The following LPIN1 variants were observed in gnomAD, a reference collection of about 807,000 sequenced individuals.
LPIN1 encodes phosphatidate phosphatase LPIN1.
In LPIN1, 71 loss-of-function variants were observed where a neutral mutation model predicts 107.5. The observed-to-expected ratio is 0.66, with a 90% CI of 0.55 to 0.80. LPIN1 has a LOEUF of 0.80. Ranked by LOEUF, LPIN1 falls within the 30% of genes least tolerant of loss-of-function variation. The probability of loss-of-function intolerance (pLI) is 0.00; values close to 1 mark genes in which losing one functional copy is unlikely to be tolerated. For missense variants in LPIN1, 1,043 were observed against 1,160.6 expected, an observed-to-expected ratio of 0.90 and a Z score of 1.47; for synonymous variants, 445 against 452.6, an observed-to-expected ratio of 0.98 and a Z score of 0.21.
At chr2:11,738,120 C>A (rs1311310632) in intron 1 of LPIN1, among the ~76,000 whole-genome samples, 3 of 151,896 alleles carry the variant, frequency 2.0e-5, no homozygotes, top group Admixed American at 2.0e-4. Flanking sequence ...TCATTCTCAG[C>A]AAACTAACAC....
rs541171524 is a variant in LPIN1, at chr2:11,825,598, T to C, written c.*807T>C. ...AGATTAAAATGACAGTAAATATTACTAAGGCAGTATTTTGAATGAGTTTGA... is the reference window on the plus strand; with the variant it reads ...AGATTAAAATGACAGTAAATATTACCAAGGCAGTATTTTGAATGAGTTTGA... On this transcript the variant is annotated 3_prime_UTR_variant, in exon 21 of 21. Transcript: ENST00000674199. This position sits in a 1 kb window ranked among gnomAD's most constrained non-coding sequence, Gnocchi z 4.1. The C allele has an allele frequency of 1.3e-5, 2 of 152,774 alleles. No homozygotes were observed. The highest frequency in any genetic ancestry group is 1.3e-4 in the Admixed American group (2 of 15,298). The allele number at this position is 152,774 out of a possible 1,614,324, so 9.5% of individuals were successfully genotyped here.
upstream of LPIN1, among the ~76,000 whole-genome samples, chr2:11,720,534 C>T (rs539440654): frequency 6.6e-6 from 1 of 152,142 alleles, no homozygotes; most frequent in African/African-American, 2.4e-5. Context: ...TGATGATGCT[C>T]GAACTAAGGT....
chr2:11,731,731 A>G (rs917487477), intron 1 of LPIN1, among the ~76,000 whole-genome samples: 3 of 151,996 alleles, frequency 2.0e-5, no homozygotes, highest in South Asian at 4.1e-4. Context: ...GCCAGCATCT[A>G]TTGTTTCCTG....
intron 1 of LPIN1, among the ~76,000 whole-genome samples, chr2:11,763,963 TAG>T (rs1491545724): frequency 1.1e-3 from 99 of 87,662 alleles, no homozygotes; most frequent in Middle Eastern, 5.6e-3. Context: ...ACATATATTT[TAG>T]TGTGTGTGTG....
chr2:11,716,932 A>G (rs1389866639), intron 2 of LPIN1, among the ~76,000 whole-genome samples: 1 of 152,178 alleles, frequency 6.6e-6, no homozygotes, highest in African/African-American at 2.4e-5. Flanking sequence ...CGACATTTCT[A>G]ATAAGAACAA....
chr2:11,773,887 A>G (rs544341506), intron 5 of LPIN1, 142 bp downstream of exon 5: 1 of 903,936 alleles, frequency 1.1e-6, no homozygotes, highest in East Asian at 2.6e-5. Flanking sequence ...TCGGAGGTAC[A>G]GATTAGGATC....
intron 1 of LPIN1, among the ~76,000 whole-genome samples, chr2:11,751,441 T>A (rs1207636982): frequency 6.6e-6 from 1 of 152,238 alleles, no homozygotes; most frequent in African/African-American, 2.4e-5. Flanking sequence ...AAAGTGAAGA[T>A]CTCTTCCTCC....
intron 14 of LPIN1, among the ~76,000 whole-genome samples, chr2:11,798,760 A>G (rs1032270988): frequency 4.0e-4 from 60 of 151,534 alleles, no homozygotes; most frequent in African/African-American, 1.4e-3. Flanking sequence ...TCCTTATTAG[A>G]GTCATGCAGT....
At chr2:11,713,700 A>G in intron 1 of LPIN1, 2 of 1,045,840 alleles carry the variant, frequency 1.9e-6, no homozygotes, top group South Asian at 2.9e-5. Flanking sequence ...AACCATTACC[A>G]CCACCTAATT....
intron 1 of LPIN1, among the ~76,000 whole-genome samples, chr2:11,691,609 C>G (rs989058286): frequency 1.3e-5 from 2 of 152,106 alleles, no homozygotes; most frequent in African/African-American, 2.4e-5. Context: ...TGTTGGAGCC[C>G]GGCTATGTCA....
intron 17 of LPIN1, among the ~76,000 whole-genome samples, chr2:11,805,894 C>T (rs1678590469): frequency 6.6e-6 from 1 of 152,210 alleles, no homozygotes; most frequent in Non-Finnish European, 1.5e-5. Flanking sequence ...TGCCCCGCCC[C>T]TTCCGAAACA....
At chr2:11,721,263 C>CGTGTGT (rs5829326), upstream of LPIN1, among the ~76,000 whole-genome samples, 4,256 of 129,842 alleles carry the variant, frequency 0.033, 108 homozygotes, top group African/African-American at 0.045. Flanking sequence ...GTACTGCATG[C>CGTGTGT]GTGTGTGTGT....
At chr2:11,712,548 G>C (rs965336318) in intron 1 of LPIN1, among the ~76,000 whole-genome samples, 3 of 152,194 alleles carry the variant, frequency 2.0e-5, no homozygotes, top group African/African-American at 7.2e-5. Flanking sequence ...CGAAGTACAT[G>C]ACCCCTAGAG....
At chr2:11,678,874 G>A (rs1367356698) in intron 1 of LPIN1, among the ~76,000 whole-genome samples, 2 of 152,224 alleles carry the variant, frequency 1.3e-5, no homozygotes, top group African/African-American at 2.4e-5. Context: ...CTACATGATG[G>A]GGACAGGAGC....
chr2:11,678,573 G>C (rs1052929671), intron 1 of LPIN1, among the ~76,000 whole-genome samples: 1 of 152,180 alleles, frequency 6.6e-6, no homozygotes, highest in Non-Finnish European at 1.5e-5. Context: ...CTGCATCCTA[G>C]GGGGATAGAG....
In LPIN1 at chr2:11,754,229, C is replaced by T. The variant is rs373459063; in HGVS notation, c.-10+7558C>T. On this transcript the variant is annotated intron_variant, in intron 1 of 20. Coordinates refer to ENST00000674199, the MANE Select transcript of LPIN1 (RefSeq NM_001349206.2). ...AACAGGAACACAGATAAGGGGCACC[C>T]CATCCCAGAGTGATATTAGGTTGGC... Among the ~76,000 whole-genome samples the T allele has an allele frequency of 3.3e-3, 504 of 152,322 alleles. 1 individual carries two copies. The highest frequency in any genetic ancestry group is 6.8e-3 in the Middle Eastern group (2 of 294).
At chr2:11,810,833 G>T (rs1679522222) in intron 17 of LPIN1, among the ~76,000 whole-genome samples, 1 of 152,196 alleles carries the variant, frequency 6.6e-6, no homozygotes. Context: ...CTTGCAAAAT[G>T]CTCCCGAAGG....
intron 12 of LPIN1, 114 bp downstream of exon 12, chr2:11,788,570 T>C (rs557887272): frequency 1.2e-6 from 1 of 832,274 alleles, no homozygotes; most frequent in Admixed American, 1.9e-5. Flanking sequence ...TCCACTGTGC[T>C]CTTTTGAAGT....
At chr2:11,689,709 G>C (rs1250517483) in intron 1 of LPIN1, among the ~76,000 whole-genome samples, 1 of 152,158 alleles carries the variant, frequency 6.6e-6, no homozygotes, top group African/African-American at 2.4e-5. Flanking sequence ...TTCAAGATCA[G>C]CCTGGCCAAC....
Sources: gnomAD v4.1 joint callset for allele counts (sites outside exome capture counted in the v4.1 genomes callset) on GRCh38, gnomAD v4.1.1 for gene constraint, Gnocchi (gnomAD v3.1) non-coding constraint, MANE v1.5 for transcripts, NCBI Gene and HGNC (gene_info 2026-07-23, HGNC 2026-07-21) for gene names.